The following KIAA1217 variants were observed in gnomAD, a reference collection of about 807,000 sequenced individuals.
KIAA1217 encodes KIAA1217.
A neutral mutation model predicts 163.9 loss-of-function variants in KIAA1217; 88 were observed. The ratio of observed to expected loss-of-function variants is 0.54; its 90% confidence interval spans 0.45 to 0.64. The LOEUF (loss-of-function observed/expected upper bound fraction) is 0.64, where lower values mean the gene tolerates loss of function less well. KIAA1217 is among the 30% of genes least tolerant of loss of function. The probability of loss-of-function intolerance (pLI) is 0.00; values close to 1 mark genes in which losing one functional copy is unlikely to be tolerated. For missense variants in KIAA1217, 2,372 were observed against 2,475.0 expected, an observed-to-expected ratio of 0.96 and a Z score of 0.88; for synonymous variants, 903 against 923.1, an observed-to-expected ratio of 0.98 and a Z score of 0.39.
chr10:24,290,287 A>G (rs886449104), intron 2 of KIAA1217, among the ~76,000 whole-genome samples: 1 of 152,154 alleles, frequency 6.6e-6, no homozygotes, highest in Admixed American at 6.5e-5. Flanking sequence ...TTCATGGGAA[A>G]TGTGCTCCCC....
chr10:24,522,072 C>A, intron 12 of KIAA1217, 143 bp downstream of exon 12: 1 of 885,970 alleles, frequency 1.1e-6, no homozygotes, highest in South Asian at 2.1e-5. Flanking sequence ...TCCTTCTCAC[C>A]CTTGAACTTT....
intron 2 of KIAA1217, among the ~76,000 whole-genome samples, chr10:24,251,108 C>A (rs905105545): frequency 6.6e-6 from 1 of 151,920 alleles, no homozygotes; most frequent in South Asian, 2.1e-4. Context: ...CCCCTGTAAT[C>A]CTAGCTACTC....
intron 2 of KIAA1217, among the ~76,000 whole-genome samples, chr10:24,279,838 G>GA (rs375179817): frequency 4.5e-4 from 68 of 152,276 alleles, no homozygotes; most frequent in African/African-American, 1.6e-3. Flanking sequence ...CTAGTGGACA[G>GA]AAAAAATAGT....
chr10:24,257,793 G>A (rs1379145756), intron 2 of KIAA1217, among the ~76,000 whole-genome samples: 2 of 152,118 alleles, frequency 1.3e-5, no homozygotes, highest in Non-Finnish European at 2.9e-5. Flanking sequence ...TTGAGAAAGT[G>A]CAGAGGGACA....
intron 2 of KIAA1217, among the ~76,000 whole-genome samples, chr10:24,318,400 C>T (rs979237883): frequency 2.2e-4 from 34 of 152,084 alleles, no homozygotes; most frequent in African/African-American, 7.2e-4. Flanking sequence ...GCTGAGGTTT[C>T]CTTGAGGAGG....
intron 2 of KIAA1217, among the ~76,000 whole-genome samples, chr10:24,324,630 T>C (rs1234889476): frequency 6.6e-6 from 1 of 152,108 alleles, no homozygotes; most frequent in African/African-American, 2.4e-5. Context: ...TATGGATAAA[T>C]TGACCCAGGG....
intron 9 of KIAA1217, among the ~76,000 whole-genome samples, chr10:24,511,967 T>C (rs2069242504): frequency 6.6e-6 from 1 of 152,102 alleles, no homozygotes; most frequent in South Asian, 2.1e-4. Flanking sequence ...TACCCCTTTT[T>C]TGGATAGACA....
chr10:24,147,929 T>C (rs2064413515), intron 2 of KIAA1217, among the ~76,000 whole-genome samples: 1 of 150,660 alleles, frequency 6.6e-6, no homozygotes, highest in South Asian at 2.1e-4. Flanking sequence ...TTTTCAATTA[T>C]GTACTTTGCA....
intron 1 of KIAA1217, among the ~76,000 whole-genome samples, chr10:23,843,746 C>T (rs75464342): frequency 0.013 from 1,981 of 152,200 alleles, 60 homozygotes; most frequent in African/African-American, 0.045. Flanking sequence ...GTTCCCTTGG[C>T]GAAAACCTAT....
intron 2 of KIAA1217, among the ~76,000 whole-genome samples, chr10:24,020,101 C>A (rs1847669283): frequency 6.6e-6 from 1 of 152,212 alleles, no homozygotes; most frequent in Admixed American, 6.5e-5. Flanking sequence ...AAAATAACCA[C>A]ATATGGTTCC....
chr10:24,263,417 C>T (rs2075907124), intron 2 of KIAA1217, among the ~76,000 whole-genome samples: 1 of 152,176 alleles, frequency 6.6e-6, no homozygotes. Context: ...ACTCTTGCAA[C>T]ACCATGCTGT....
At chr10:23,919,335 G>A (rs1291256212) in intron 1 of KIAA1217, among the ~76,000 whole-genome samples, 1 of 151,978 alleles carries the variant, frequency 6.6e-6, no homozygotes, top group Non-Finnish European at 1.5e-5. Context: ...ACTGGGTGCA[G>A]TGGGTCACCC....
chr10:23,771,207 T>C (rs1480553512), intron 1 of KIAA1217, among the ~76,000 whole-genome samples: 1 of 152,212 alleles, frequency 6.6e-6, no homozygotes, highest in African/African-American at 2.4e-5. Context: ...TCTCTTCTAA[T>C]ACAAATTACC....
At chr10:23,717,293 A>G (rs1837629576) in intron 1 of KIAA1217, among the ~76,000 whole-genome samples, 1 of 152,060 alleles carries the variant, frequency 6.6e-6, no homozygotes, top group South Asian at 2.1e-4. Flanking sequence ...GCTCTGAATT[A>G]AGCTCATAGC....
At chr10:23,902,910 G>T (rs901271645) in intron 1 of KIAA1217, among the ~76,000 whole-genome samples, 3 of 152,122 alleles carry the variant, frequency 2.0e-5, no homozygotes, top group African/African-American at 7.2e-5. Context: ...AAAAACTAAA[G>T]TCATGCCAGA....
At chr10:23,852,943 A>AG (rs932138608) in intron 1 of KIAA1217, among the ~76,000 whole-genome samples, 2 of 152,218 alleles carry the variant, frequency 1.3e-5, no homozygotes, top group Admixed American at 1.3e-4. Flanking sequence ...TAGATATACA[A>AG]GCATGTCACC....
chr10:24,267,822 A>G (rs1217757723), intron 2 of KIAA1217, among the ~76,000 whole-genome samples: 1 of 152,218 alleles, frequency 6.6e-6, no homozygotes, highest in East Asian at 1.9e-4. Context: ...CCTAGAAACA[A>G]CTGCATATTC....
chr10:23,826,865 A>C (rs1837923022), intron 1 of KIAA1217, among the ~76,000 whole-genome samples: 1 of 152,098 alleles, frequency 6.6e-6, no homozygotes, highest in African/African-American at 2.4e-5. Flanking sequence ...CTCTGGTCCA[A>C]CTCACTCATG....
intron 1 of KIAA1217, among the ~76,000 whole-genome samples, chr10:23,758,306 A>T (rs890934890): frequency 1.1e-4 from 17 of 151,998 alleles, no homozygotes; most frequent in Non-Finnish European, 1.6e-4. Flanking sequence ...CATTTGTTTT[A>T]AAAAAATTAT....
Sources: gnomAD v4.1 joint callset for allele counts (sites outside exome capture counted in the v4.1 genomes callset) on GRCh38, gnomAD v4.1.1 for gene constraint, MANE v1.5 for transcripts, NCBI Gene and HGNC (gene_info 2026-07-23, HGNC 2026-07-21) for gene names.